BIRC6: variants seen among roughly 807,000 people sequenced by gnomAD.
BIRC6 encodes the protein dual E2 ubiquitin-conjugating enzyme/E3 ubiquitin-protein ligase BIRC6.
BIRC6 carries 98 observed loss-of-function variants against 503.3 expected under a neutral mutation model. The observed-to-expected ratio is 0.19, with a 90% CI of 0.17 to 0.23. The LOEUF (loss-of-function observed/expected upper bound fraction) is 0.23. Among genes scored for constraint, BIRC6 ranks in the 10% least tolerant of loss-of-function variants. BIRC6 has a pLI of 1.00. For synonymous variants in BIRC6, 2,240 were observed against 2,078.7 expected (o/e 1.08, Z -2.11); for missense variants, 5,360 against 5,806.0 (o/e 0.92, Z 2.50).
intron 3 of BIRC6, among the ~76,000 whole-genome samples, chr2:32,381,097 C>T (rs987126612): frequency 1.3e-5 from 2 of 152,114 alleles, no homozygotes; most frequent in African/African-American, 4.8e-5. Flanking sequence ...TATCAAACTT[C>T]CCTGTTATTG....
At chr2:32,441,294 A>T (rs2045405395) in intron 16 of BIRC6, 35 bp from the exon 17 acceptor site, 1 of 1,358,256 alleles carries the variant, frequency 7.4e-7, no homozygotes, top group Non-Finnish European at 1.0e-6. Context: ...AGTTTAGTTT[A>T]TTTTTTAAAA....
chr2:32,589,027 G>C (rs1173400638), intron 66 of BIRC6, among the ~76,000 whole-genome samples: 1 of 152,094 alleles, frequency 6.6e-6, no homozygotes, highest in East Asian at 1.9e-4. Context: ...CTTCAAGCAG[G>C]AACAAAGCCT....
At chr2:32,529,326 T>C (rs977921851) in intron 59 of BIRC6, 16 of 215,136 alleles carry the variant, frequency 7.4e-5, no homozygotes, top group Non-Finnish European at 1.5e-4. Flanking sequence ...ACAGAGACTA[T>C]ATGGCCCCCC....
At chr2:32,600,474 A>G (rs1230291192) in intron 70 of BIRC6, among the ~76,000 whole-genome samples, 1 of 152,240 alleles carries the variant, frequency 6.6e-6, no homozygotes. Context: ...AATTATCATT[A>G]GCTCAAATCA....
At chr2:32,586,393 G>C (rs1438073975) in intron 66 of BIRC6, among the ~76,000 whole-genome samples, 1 of 124,204 alleles carries the variant, frequency 8.1e-6, no homozygotes, top group Non-Finnish European at 1.7e-5. Context: ...AGTTTTCACT[G>C]TATTATCTCA....
intron 21 of BIRC6, among the ~76,000 whole-genome samples, chr2:32,447,173 C>A (rs1405641895): frequency 6.7e-6 from 1 of 150,102 alleles, no homozygotes; most frequent in Non-Finnish European, 1.5e-5. Flanking sequence ...GACCCGGCAA[C>A]CATCCGATTT....
rs529482639 is a variant in BIRC6 at position 32,607,173 on chromosome 2, A to G, written c.14071-282A>G. Among the ~76,000 whole-genome samples, 31 of 109,260 alleles carry G rather than the reference A, an allele frequency of 2.8e-4. No homozygotes were observed. In the South Asian group the frequency reaches 5.4e-3, roughly 19 times the overall value. 71.7% of individuals were successfully genotyped at this position (109,260 alleles called of 152,430 possible). On this transcript the variant is annotated intron_variant, in intron 71 of 73. Coordinates refer to ENST00000421745, the MANE Select transcript of BIRC6 (RefSeq NM_016252.4). ...AGCATTTTTTGGAAATAGATTCTTC[A>G]TATCTATTATTATTATTATCATCTA...
intron 42 of BIRC6, among the ~76,000 whole-genome samples, chr2:32,489,463 T>C (rs2051420148): frequency 1.3e-5 from 2 of 151,638 alleles, no homozygotes; most frequent in African/African-American, 4.8e-5. Flanking sequence ...TTTCATCTGT[T>C]TTTAATTTTA....
intron 6 of BIRC6, 88 bp downstream of exon 6, chr2:32,395,681 T>A: frequency 9.4e-7 from 1 of 1,067,268 alleles, no homozygotes; most frequent in Non-Finnish European, 1.4e-6. Flanking sequence ...ATGATATAAT[T>A]TTTTGCCTTT....
chr2:32,529,464 C>T (rs1429278189), intron 59 of BIRC6, 187 bp from the exon 60 acceptor site: 2 of 502,106 alleles, frequency 4.0e-6, no homozygotes, highest in Non-Finnish European at 6.8e-6. Context: ...CATTATTGTT[C>T]ATTATTATAT....
chr2:32,468,195 T>C (rs1406033725), intron 28 of BIRC6, 84 bp downstream of exon 28: 1 of 1,377,102 alleles, frequency 7.3e-7, no homozygotes, highest in Non-Finnish European at 1.0e-6. Flanking sequence ...AAGAAATGTC[T>C]TTTCATAGGT....
At position 32,479,569 on chromosome 2, in the gene BIRC6, G is replaced by C; in HGVS notation, c.7360G>C (p.Val2454Leu). The change falls in exon 37 of 74, where the codon GTT (valine) becomes CTT (leucine). Residue 2454 changes from valine (V) to leucine (L), a missense_variant. Coordinates refer to ENST00000421745, the MANE Select transcript of BIRC6 (RefSeq NM_016252.4). ...TGATGACTCCCTTCAACAGTCCTCA[G>C]TTCAGTTGCTGGAAACTATAGATGA... ...DSDDSLQQSS[V>L]QLLETIDEPL... The C allele has an allele frequency of 3.7e-6, 6 of 1,609,802 alleles. No individual in the cohort carries two copies. Among genetic ancestry groups the C allele is most frequent in the Non-Finnish European group, 5.1e-6 (6 of 1,177,810 alleles).
chr2:32,372,196 G>C (rs898782783), intron 1 of BIRC6, among the ~76,000 whole-genome samples: 1 of 152,066 alleles, frequency 6.6e-6, no homozygotes, highest in Non-Finnish European at 1.5e-5. Context: ...TTGTCATACA[G>C]GTACACACAT....
At chr2:32,564,418 C>G (rs1156865269) in intron 65 of BIRC6, 2 of 152,152 alleles carry the variant, frequency 1.3e-5, no homozygotes, top group African/African-American at 4.8e-5. Context: ...AAAAATGTTG[C>G]AGTGAGCATT....
intron 66 of BIRC6, among the ~76,000 whole-genome samples, chr2:32,585,235 C>T (rs2060948342): frequency 6.6e-6 from 1 of 152,136 alleles, no homozygotes; most frequent in South Asian, 2.1e-4. Context: ...AGCCTCATTC[C>T]ATACCGATTG....
At chr2:32,366,032 G>A (rs1329156532) in intron 1 of BIRC6, among the ~76,000 whole-genome samples, 2 of 152,000 alleles carry the variant, frequency 1.3e-5, no homozygotes, top group Non-Finnish European at 2.9e-5. Flanking sequence ...TTACAGGCAC[G>A]TGCCACCATG....
chr2:32,427,088 G>A (rs1431103850), intron 10 of BIRC6, among the ~76,000 whole-genome samples: 3 of 151,940 alleles, frequency 2.0e-5, no homozygotes, highest in African/African-American at 7.3e-5. Flanking sequence ...ATATATATAT[G>A]TGTTATTTCT....
Position 32,443,598 on chromosome 2 carries a change from ATTAAT to A in BIRC6, c.4336+16_4336+20del, listed in dbSNP as rs770445444. 2 of 1,560,794 alleles carry A rather than the reference ATTAAT, an allele frequency of 1.3e-6. No homozygotes were observed. The highest frequency in any genetic ancestry group is 1.8e-5 in the Admixed American group (1 of 55,530). ...GCAGCAACAACTGGTGGTATGTAAA[ATTAAT>A]TTAATCACAAATAGTTATAGTCATA... On this transcript the variant is annotated intron_variant, in intron 20 of 73. Transcript: ENST00000421745.
At chr2:32,612,681 G>A (rs1042261504) in intron 73 of BIRC6, among the ~76,000 whole-genome samples, 2 of 152,190 alleles carry the variant, frequency 1.3e-5, no homozygotes, top group Non-Finnish European at 2.9e-5. Context: ...ATGACAAGGG[G>A]AAAGTGTGGG....
Sources: allele counts gnomAD v4.1 joint callset (sites outside exome capture counted in the v4.1 genomes callset), GRCh38; gene constraint gnomAD v4.1.1; transcripts MANE v1.5; gene names NCBI Gene and HGNC (gene_info 2026-07-23, HGNC 2026-07-21).